SARAF: variants seen among roughly 807,000 people sequenced by gnomAD.
SARAF encodes store-operated calcium entry associated regulatory factor.
In SARAF, 23 loss-of-function variants were observed where a neutral mutation model predicts 39.7. The ratio of observed to expected loss-of-function variants is 0.58; its 90% CI spans 0.42 to 0.82. The LOEUF is 0.82. Ranked by LOEUF, SARAF falls within the 40% of genes least tolerant of loss-of-function variation. The pLI is 0.00. For missense variants in SARAF, 384 were observed against 418.5 expected (o/e 0.92, Z 0.72); for synonymous variants, 175 against 168.5 (o/e 1.04, Z -0.30).
At chr8:30,074,718 GGAGA>G (rs1235711872) in intron 1 of SARAF, among the ~76,000 whole-genome samples, 2 of 152,076 alleles carry the variant, frequency 1.3e-5, no homozygotes, top group African/African-American at 4.8e-5. Context: ...TCTAGTCTAG[GGAGA>G]GAGAAAGAAA....
chr8:30,068,076 G>A (rs1434354568), intron 3 of SARAF, among the ~76,000 whole-genome samples: 1 of 152,168 alleles, frequency 6.6e-6, no homozygotes, highest in East Asian at 1.9e-4. Context: ...GGAGACTAAT[G>A]ATGCTAAGCA....
At chr8:30,069,182 C>G (rs1801769323) in intron 3 of SARAF, among the ~76,000 whole-genome samples, 1 of 125,378 alleles carries the variant, frequency 8.0e-6, no homozygotes, top group Non-Finnish European at 1.6e-5. Flanking sequence ...CTCTGTCACT[C>G]AGGCTGGAGT....
At chr8:30,065,450 T>C (rs7831374) in intron 5 of SARAF, among the ~76,000 whole-genome samples, 149,255 of 152,302 alleles carry the variant, frequency 0.98, 73,203 homozygotes, top group Middle Eastern at 1. Context: ...TAACTTCCTT[T>C]TCCTGAAAGA....
rs1801702476 is a variant in SARAF, at chr8:30,066,825, G to T, written c.794C>A (p.Thr265Lys). The T allele has an allele frequency of 6.2e-7, 1 of 1,614,158 alleles. No individual in the cohort carries two copies. Residue 265 changes from threonine to lysine, a missense_variant, in exon 4 of 6, where the codon ACA (threonine) becomes AAA (lysine). Transcript: ENST00000256255. ...GYENSGPGFW[T>K]GLGTGGILGY... ...TAGTATTCCACCAGTTCCCAAGCCT[G>T]TCCAGAACCCTGGTCCTGAATTTTC... is the stretch of plus-strand genomic sequence containing the variant.
At chr8:30,069,070 C>A (rs928452553) in intron 3 of SARAF, among the ~76,000 whole-genome samples, 1 of 149,462 alleles carries the variant, frequency 6.7e-6, no homozygotes, top group African/African-American at 2.5e-5. Context: ...GGAGTCAGGG[C>A]AAATGATTAT....
At chr8:30,081,578 T>C (rs948464350) in intron 1 of SARAF, among the ~76,000 whole-genome samples, 1 of 152,254 alleles carries the variant, frequency 6.6e-6, no homozygotes, top group East Asian at 1.9e-4. Flanking sequence ...AAATAGCACC[T>C]TCTCTCTCAT....
chr8:30,068,948 A>G (rs538678828), intron 3 of SARAF, among the ~76,000 whole-genome samples: 29 of 152,114 alleles, frequency 1.9e-4, no homozygotes, highest in Admixed American at 6.5e-5. Context: ...TCCCTATCCT[A>G]AGGTCATAAC....
chr8:30,063,502 G>A lies in SARAF; in HGVS notation c.*386C>T, dbSNP rs948024270. On this transcript the variant is annotated 3_prime_UTR_variant, in exon 6 of 6. Transcript: ENST00000256255. ...AAATAGAATATTATAGTCTCTATGAGGTAATAACTCATCAGCTACAACCAC... is the reference window on the plus strand; with the variant it reads ...AAATAGAATATTATAGTCTCTATGAAGTAATAACTCATCAGCTACAACCAC... 8 of 225,744 alleles carry A rather than the reference G, an allele frequency of 3.5e-5. No individual in the cohort carries two copies. The highest frequency in any genetic ancestry group is 1.9e-4 in the African/African-American group (8 of 42,938). 14.0% of individuals were successfully genotyped at this position (225,744 alleles called of 1,614,324 possible).
chr8:30,072,091 T>A (rs1390968761), intron 2 of SARAF, among the ~76,000 whole-genome samples: 1 of 152,210 alleles, frequency 6.6e-6, no homozygotes, highest in Non-Finnish European at 1.5e-5. Context: ...AGGGTTCCAA[T>A]TTCTCGACAT....
At position 30,083,053 on chromosome 8, in the gene SARAF, G is replaced by A. The variant is rs1802148989; in HGVS notation, c.-104C>T. 3.5e-6 allele frequency: 3 copies of A among 867,868 alleles called. No individual in the cohort carries two copies. Among genetic ancestry groups the A allele is most frequent in the Admixed American group, 3.4e-5 (1 of 29,102 alleles). The allele number at this position is 867,868 out of a possible 1,614,324, so 53.8% of individuals were successfully genotyped here. A position where few individuals can be genotyped will look rare whatever the true frequency, so the allele number is the denominator to read the frequency against. On this transcript the variant is annotated 5_prime_UTR_variant, in exon 1 of 6. Transcript: ENST00000256255. ...CAGCTACACCGCTACCCCTGGCGGC[G>A]GCGAAGGAACGGCCCGACTGCAGAG...
In SARAF at chr8:30,063,756, C is replaced by T; in HGVS notation, c.*132G>A. On this transcript the variant is annotated 3_prime_UTR_variant, in exon 6 of 6. Coordinates refer to ENST00000256255, the MANE Select transcript of SARAF (RefSeq NM_016127.6). ...AAATAATAGAATACAAAAAGCTACA[C>T]TGGACATAACACCACAGAACTTTTG... 1.3e-6 allele frequency: 1 copy of T among 770,482 alleles called. No homozygotes were observed. Among genetic ancestry groups the T allele is most frequent in the Middle Eastern group, 2.3e-4 (1 of 4,280 alleles). 47.7% of individuals were successfully genotyped at this position (770,482 alleles called of 1,614,324 possible). A position where few individuals can be genotyped will look rare whatever the true frequency, so the allele number is the denominator to read the frequency against.
At chr8:30,078,009 G>A (rs547058545) in intron 1 of SARAF, among the ~76,000 whole-genome samples, 119 of 150,720 alleles carry the variant, frequency 7.9e-4, no homozygotes, top group Middle Eastern at 3.4e-3. Context: ...GCATGGTGGC[G>A]GGCACCTGTA....
chr8:30,064,549 A>ATTTTTTTTTTTTT (rs1285474401), intron 5 of SARAF, among the ~76,000 whole-genome samples: 1 of 43,826 alleles, frequency 2.3e-5, no homozygotes, highest in Non-Finnish European at 3.8e-5. Context: ...ATATATATAT[A>ATTTTTTTTTTTTT]TATATATATA....
chr8:30,074,416 T>C (rs753272741), intron 1 of SARAF, among the ~76,000 whole-genome samples: 2 of 152,218 alleles, frequency 1.3e-5, no homozygotes, highest in East Asian at 1.9e-4. Context: ...CTGAAGCACA[T>C]TTAATGCTTT....
rs1347628049 is a variant in SARAF, at chr8:30,082,910, A to G, written c.40T>C (p.Leu14=). The G allele has an allele frequency of 6.4e-6, 10 of 1,559,304 alleles. No individual in the cohort carries two copies. The Admixed American group carries it at 7.8e-5, about 12-fold the overall frequency. Residue 14 remains leucine, a synonymous_variant, in exon 1 of 6, where the codon TTG becomes CTG. Transcript: ENST00000256255. ...ACGPGAAGYC[L]LLGLHLFLLT... ...AGAAACAAATGCAAGCCGAGGAGCA[A>G]GCAGTACCCGGCCGCTCCCGGCCCG...
intron 5 of SARAF, among the ~76,000 whole-genome samples, chr8:30,064,764 T>C (rs1801645649): frequency 6.6e-6 from 1 of 151,646 alleles, no homozygotes; most frequent in Admixed American, 6.6e-5. Flanking sequence ...GGTTTCACCA[T>C]GTTGGGCAGG....
At chr8:30,079,069 A>G (rs577923042) in intron 1 of SARAF, among the ~76,000 whole-genome samples, 1 of 151,690 alleles carries the variant, frequency 6.6e-6, no homozygotes, top group African/African-American at 2.4e-5. Context: ...AGGCAGGAGA[A>G]TCACTTGAAT....
chr8:30,068,932 A>C (rs1157492107), intron 3 of SARAF, among the ~76,000 whole-genome samples: 1 of 152,100 alleles, frequency 6.6e-6, no homozygotes, highest in African/African-American at 2.4e-5. Flanking sequence ...CTGTTTAAGA[A>C]ATCTTTCCCT....
chr8:30,075,214 C>T (rs1018287806), intron 1 of SARAF, among the ~76,000 whole-genome samples: 11 of 151,376 alleles, frequency 7.3e-5, no homozygotes, highest in East Asian at 1.9e-4. Context: ...GCAGGAGAAT[C>T]GCTTGAACCT....
Sources: allele counts gnomAD v4.1 joint callset (sites outside exome capture counted in the v4.1 genomes callset), GRCh38; gene constraint gnomAD v4.1.1; transcripts MANE v1.5; gene names NCBI Gene and HGNC (gene_info 2026-07-23, HGNC 2026-07-21).